ADCY2: variants seen among roughly 807,000 people sequenced by gnomAD.
ADCY2 encodes adenylate cyclase 2, also known as adenylate cyclase type 2.
A neutral mutation model predicts 125.2 loss-of-function variants in ADCY2; 31 were observed. The observed-to-expected ratio is 0.25, with a 90% CI of 0.19 to 0.33. The LOEUF (loss-of-function observed/expected upper bound fraction) is 0.33. ADCY2 is among the 10% of genes least tolerant of loss of function. ADCY2 has a pLI of 1.00. For synonymous variants in ADCY2, 512 were observed against 548.4 expected, an observed-to-expected ratio of 0.93 and a Z score of 0.93; for missense variants, 904 against 1,418.2, an observed-to-expected ratio of 0.64 and a Z score of 5.82.
chr5:7,469,045 G>A (rs149932782), intron 2 of ADCY2, among the ~76,000 whole-genome samples: 9 of 152,068 alleles, frequency 5.9e-5, no homozygotes, highest in African/African-American at 1.4e-4. Flanking sequence ...TAATGTAGCC[G>A]TAAGTGAGTG....
intron 2 of ADCY2, among the ~76,000 whole-genome samples, chr5:7,445,570 AAAGAG>A (rs1469735060): frequency 1.3e-5 from 2 of 152,218 alleles, no homozygotes; most frequent in African/African-American, 2.4e-5. Flanking sequence ...AACTAAACCT[AAAGAG>A]AAGTGGTGAC....
intron 2 of ADCY2, among the ~76,000 whole-genome samples, chr5:7,477,809 C>T (rs1051105501): frequency 1.3e-5 from 2 of 152,092 alleles, no homozygotes; most frequent in Non-Finnish European, 2.9e-5. Flanking sequence ...AACCTGTCAT[C>T]GTCGCCGTAT....
chr5:7,736,632 A>C (rs1742258626), intron 14 of ADCY2, among the ~76,000 whole-genome samples: 1 of 152,204 alleles, frequency 6.6e-6, no homozygotes, highest in African/African-American at 2.4e-5. Flanking sequence ...AGGAAGAGTC[A>C]CATTTTAATA....
chr5:7,544,582 G>A (rs758957369), intron 3 of ADCY2, among the ~76,000 whole-genome samples: 4 of 152,124 alleles, frequency 2.6e-5, no homozygotes, highest in African/African-American at 9.7e-5. Context: ...GGTTCATCAC[G>A]TGTGCAAAGT....
chr5:7,593,770 C>T (rs1440208243), intron 3 of ADCY2, among the ~76,000 whole-genome samples: 1 of 151,848 alleles, frequency 6.6e-6, no homozygotes, highest in Non-Finnish European at 1.5e-5. Context: ...ATGACACATT[C>T]TAATTGGGGG....
chr5:7,572,723 A>G (rs1335775664), intron 3 of ADCY2, among the ~76,000 whole-genome samples: 1 of 152,106 alleles, frequency 6.6e-6, no homozygotes, highest in Non-Finnish European at 1.5e-5. Context: ...TATGTTCTGG[A>G]TGGTATTGCC....
chr5:7,508,712 G>A (rs1421447240), intron 2 of ADCY2, among the ~76,000 whole-genome samples: 2 of 152,300 alleles, frequency 1.3e-5, no homozygotes, highest in South Asian at 2.1e-4. Flanking sequence ...CCATGGCCGG[G>A]TGAGGAAGGA....
At chr5:7,533,795 A>G (rs1288711720) in intron 3 of ADCY2, among the ~76,000 whole-genome samples, 2 of 152,160 alleles carry the variant, frequency 1.3e-5, no homozygotes, top group Admixed American at 6.5e-5. Flanking sequence ...GAAATTGTCT[A>G]TGTCCTTTCT....
Position 7,784,458 on chromosome 5 carries a change from T to C in ADCY2, c.2469+9T>C. On this transcript the variant is annotated intron_variant, in intron 19 of 24. Transcript: ENST00000338316. ...TTGTTCTGGGTAGACAGGTAAGAAG[T>C]CTGTTTATATATATGTATGTATACC... 6.3e-7 allele frequency: 1 copy of C among 1,598,492 alleles called. No individual in the cohort carries two copies. The highest frequency in any genetic ancestry group is 8.6e-7 in the Non-Finnish European group (1 of 1,166,266).
intron 3 of ADCY2, among the ~76,000 whole-genome samples, chr5:7,522,936 C>CA (rs946787466): frequency 9.3e-5 from 13 of 140,140 alleles, no homozygotes; most frequent in African/African-American, 2.4e-4. Context: ...AAAAAAAAAA[C>CA]AAAAAAAAAC....
At chr5:7,531,670 G>C (rs1734648707) in intron 3 of ADCY2, among the ~76,000 whole-genome samples, 1 of 152,118 alleles carries the variant, frequency 6.6e-6, no homozygotes, top group African/African-American at 2.4e-5. Flanking sequence ...CTATGCCCCT[G>C]TCTTCACGTG....
At chr5:7,483,404 A>G (rs1474829231) in intron 2 of ADCY2, among the ~76,000 whole-genome samples, 2 of 151,098 alleles carry the variant, frequency 1.3e-5, no homozygotes, top group African/African-American at 4.9e-5. Context: ...GATGATTGAA[A>G]ACTGCAGTAC....
At chr5:7,454,105 G>T (rs2126425378) in intron 2 of ADCY2, among the ~76,000 whole-genome samples, 1 of 152,198 alleles carries the variant, frequency 6.6e-6, no homozygotes, top group South Asian at 2.1e-4. Flanking sequence ...TTTCTAGTTG[G>T]GTGGGGGGTG....
chr5:7,618,970 G>A (rs1436347016), intron 3 of ADCY2, among the ~76,000 whole-genome samples: 1 of 152,180 alleles, frequency 6.6e-6, no homozygotes, highest in Non-Finnish European at 1.5e-5. Context: ...GGGAGACAGG[G>A]TTTGGGAAGA....
chr5:7,800,277 G>A (rs1744550618), intron 20 of ADCY2: 2 of 152,186 alleles, frequency 1.3e-5, no homozygotes, highest in Admixed American at 1.3e-4. Flanking sequence ...AGTAAGTGCT[G>A]GCTATTATTG....
chr5:7,655,427 T>C (rs1466905215), intron 4 of ADCY2, among the ~76,000 whole-genome samples: 1 of 152,092 alleles, frequency 6.6e-6, no homozygotes, highest in Non-Finnish European at 1.5e-5. Flanking sequence ...CCAGGCCAAA[T>C]CTGAAGGCCT....
intron 2 of ADCY2, among the ~76,000 whole-genome samples, chr5:7,420,889 T>C (rs1194662223): frequency 1.3e-5 from 2 of 152,216 alleles, no homozygotes; most frequent in African/African-American, 4.8e-5. Context: ...TTCATTTTTC[T>C]GAATGGTTTA....
At chr5:7,819,386 T>C (rs994009175) in intron 23 of ADCY2, among the ~76,000 whole-genome samples, 6 of 152,332 alleles carry the variant, frequency 3.9e-5, no homozygotes, top group African/African-American at 1.2e-4. Flanking sequence ...CACTGCAGCA[T>C]GGGACCAGAA....
At chr5:7,579,210 C>T (rs7708323) in intron 3 of ADCY2, among the ~76,000 whole-genome samples, 74,874 of 151,632 alleles carry the variant, frequency 0.49, 19,302 homozygotes, top group Non-Finnish European at 0.57. Flanking sequence ...AACAGAGCTA[C>T]GTTGGAGTCA....
Sources: allele counts gnomAD v4.1 joint callset (sites outside exome capture counted in the v4.1 genomes callset), GRCh38; gene constraint gnomAD v4.1.1; transcripts MANE v1.5; gene names NCBI Gene and HGNC (gene_info 2026-07-23, HGNC 2026-07-21).